NVL: variants seen among roughly 807,000 people sequenced by gnomAD.
The protein encoded by NVL is nuclear VCP like.
NVL carries 84 observed loss-of-function variants against 110.2 expected under a neutral mutation model. That is an observed-to-expected ratio of 0.76 (90% CI 0.64 to 0.91). The LOEUF is 0.91. NVL is among the 40% of genes least tolerant of loss of function. The pLI is 0.00. For synonymous variants in NVL, 354 were observed against 361.1 expected, an observed-to-expected ratio of 0.98 and a Z score of 0.22; for missense variants, 882 against 1,035.9, an observed-to-expected ratio of 0.85 and a Z score of 2.04.
chr1:224,244,540 C>T lies in NVL; in HGVS notation c.2289+5672G>A, dbSNP rs184182236. ...AGGCTGGAGTGCAGTGGCGTGATCT[C>T]GGCTCACTGCAACCTCCACCTCTCT... On this transcript the variant is annotated intron_variant, in intron 19 of 22. Transcript: ENST00000281701. Among the ~76,000 whole-genome samples the T allele has an allele frequency of 1.7e-3, 255 of 151,762 alleles. 1 individual carries two copies. Among genetic ancestry groups the T allele is most frequent in the African/African-American group, 5.5e-3 (226 of 41,360 alleles).
At chr1:224,300,214 G>C (rs1668267115) in intron 10 of NVL, among the ~76,000 whole-genome samples, 1 of 152,054 alleles carries the variant, frequency 6.6e-6, no homozygotes. Flanking sequence ...TTTTTACATT[G>C]CTTACAAGTT....
chr1:224,257,923 G>T (rs1663477955), intron 18 of NVL, among the ~76,000 whole-genome samples: 1 of 152,110 alleles, frequency 6.6e-6, no homozygotes, highest in Non-Finnish European at 1.5e-5. Context: ...ATGGATCAAA[G>T]ACCTAAATGT....
At chr1:224,318,625 T>TAAG (rs1453460890) in intron 2 of NVL, among the ~76,000 whole-genome samples, 1 of 151,634 alleles carries the variant, frequency 6.6e-6, no homozygotes, top group Non-Finnish European at 1.5e-5. Flanking sequence ...ATTAAAAAAC[T>TAAG]AAGAAGAAGA....
At chr1:224,290,894 G>T (rs971310626) in intron 12 of NVL, among the ~76,000 whole-genome samples, 1 of 151,802 alleles carries the variant, frequency 6.6e-6, no homozygotes, top group East Asian at 1.9e-4. Context: ...TGCTTGAACC[G>T]GGAGGCAGAG....
intron 21 of NVL, among the ~76,000 whole-genome samples, chr1:224,232,552 A>G (rs890168028): frequency 6.6e-6 from 1 of 152,016 alleles, no homozygotes; most frequent in East Asian, 1.9e-4. Context: ...TAGAGATGGC[A>G]TCTTGGTTTG....
chr1:224,315,787 C>T (rs1268197958), intron 4 of NVL, among the ~76,000 whole-genome samples: 6 of 152,182 alleles, frequency 3.9e-5, no homozygotes, highest in Non-Finnish European at 8.8e-5. Context: ...CATTGATTTG[C>T]TTTCTGTCAC....
intron 2 of NVL, among the ~76,000 whole-genome samples, chr1:224,318,895 A>T (rs1228385240): frequency 6.6e-6 from 1 of 151,832 alleles, no homozygotes; most frequent in Non-Finnish European, 1.5e-5. Flanking sequence ...AGCCTGAGGC[A>T]ACAGAATGGC....
At chr1:224,320,743 T>C (rs1345902819) in intron 2 of NVL, among the ~76,000 whole-genome samples, 1 of 152,154 alleles carries the variant, frequency 6.6e-6, no homozygotes, top group African/African-American at 2.4e-5. Context: ...CTCAACCTCC[T>C]GGTCTCATGC....
Position 224,261,026 on chromosome 1 carries a change from C to T in NVL, c.2182+7008G>A, listed in dbSNP as rs538988429. 3.3e-5 allele frequency among the ~76,000 whole-genome samples: 5 copies of T among 152,230 alleles called. No individual in the cohort carries two copies. In the East Asian group the frequency reaches 7.7e-4, roughly 24 times the overall value. ...GAGTAGCTGGGACTATGGGCACGTG[C>T]TACCACGCCCAGCTGATTTTTTTAT... On this transcript the variant is annotated intron_variant, in intron 18 of 22. Coordinates refer to ENST00000281701, the MANE Select transcript of NVL (RefSeq NM_002533.4).
Position 224,255,690 on chromosome 1 carries a change from G to A in NVL, c.2183-5372C>T, listed in dbSNP as rs74732603. Among the ~76,000 whole-genome samples the A allele has an allele frequency of 7.2e-3, 1,095 of 152,228 alleles. 8 individuals carry two copies. Among genetic ancestry groups the A allele is most frequent in the Non-Finnish European group, 0.012 (844 of 68,000 alleles). ...CTCCTGAGTAGCTGGGTTTACAGGCGTGTACCACTGTACCTGGCTTATTGG... is the reference window on the plus strand; with the variant it reads ...CTCCTGAGTAGCTGGGTTTACAGGCATGTACCACTGTACCTGGCTTATTGG... On this transcript the variant is annotated intron_variant, in intron 18 of 22. Transcript: ENST00000281701.
At chr1:224,289,855 G>A (rs1033251062) in intron 12 of NVL, 122 bp from the exon 13 acceptor site, 13 of 832,974 alleles carry the variant, frequency 1.6e-5, no homozygotes, top group Non-Finnish European at 2.4e-5. Flanking sequence ...TACTATATAA[G>A]ATCAAATAGT....
chr1:224,288,639 G>A (rs1480988028), intron 13 of NVL, among the ~76,000 whole-genome samples: 1 of 152,136 alleles, frequency 6.6e-6, no homozygotes, highest in Non-Finnish European at 1.5e-5. Context: ...CAAATTATCT[G>A]AGAACAAAAG....
In NVL at chr1:224,255,290, C is replaced by T. The variant is rs147355630; in HGVS notation, c.2183-4972G>A. On this transcript the variant is annotated intron_variant, in intron 18 of 22. Transcript: ENST00000281701. ...CGGCAAGCTCCACCTCCCTGGTTCT[C>T]GCCATTCTCCTGCCTCAGCCTCCAG... Among the ~76,000 whole-genome samples, 559 of 139,608 alleles carry T rather than the reference C, an allele frequency of 4.0e-3. 3 individuals are homozygous for T. The highest frequency in any genetic ancestry group is 7.4e-3 in the Admixed American group (95 of 12,786). 91.6% of individuals were successfully genotyped at this position (139,608 alleles called of 152,430 possible).
intron 12 of NVL, among the ~76,000 whole-genome samples, chr1:224,291,170 A>G (rs1047417141): frequency 2.0e-5 from 3 of 152,244 alleles, no homozygotes; most frequent in African/African-American, 7.2e-5. Flanking sequence ...AGCACATAAA[A>G]CAATGGCTGA....
intron 18 of NVL, among the ~76,000 whole-genome samples, chr1:224,258,508 A>G (rs1663551064): frequency 6.6e-6 from 1 of 152,220 alleles, no homozygotes; most frequent in Admixed American, 6.5e-5. Flanking sequence ...AATGTTAAAC[A>G]GGGAGTTACC....
chr1:224,237,983 A>G (rs1460502105), intron 19 of NVL, among the ~76,000 whole-genome samples: 77 of 150,262 alleles, frequency 5.1e-4, no homozygotes, highest in African/African-American at 1.5e-3. Context: ...AAAAAAAAAA[A>G]AAGAAGAAAC....
intron 18 of NVL, among the ~76,000 whole-genome samples, chr1:224,265,552 G>C (rs1664419105): frequency 6.6e-6 from 1 of 152,060 alleles, no homozygotes; most frequent in African/African-American, 2.4e-5. Context: ...TTAAAATATG[G>C]TGCGGGCTGT....
In NVL at chr1:224,287,887, G is replaced by A; in HGVS notation, c.1682C>T (p.Ser561Phe). 6.2e-7 allele frequency: 1 copy of A among 1,614,082 alleles called. No individual in the cohort carries two copies. Among genetic ancestry groups the A allele is most frequent in the Non-Finnish European group, 8.5e-7 (1 of 1,179,966 alleles). Residue 561 changes from serine to phenylalanine, a missense_variant, in exon 14 of 23, where the codon TCC (serine) becomes TTC (phenylalanine). Transcript: ENST00000281701. ...IELNDFIVAL[S>F]SVQPSAKREG... ...CCTTTTGGCAGAGGGTTGGACTGAG[G>A]ATAGAGCAACAATGAAATCATTCAG...
At chr1:224,328,740 G>A (rs1045566340) in intron 1 of NVL, among the ~76,000 whole-genome samples, 5 of 152,102 alleles carry the variant, frequency 3.3e-5, no homozygotes, top group African/African-American at 4.8e-5. Context: ...AGGACGAACG[G>A]TAGTATCATT....
Sources: allele counts gnomAD v4.1 joint callset (sites outside exome capture counted in the v4.1 genomes callset), GRCh38; gene constraint gnomAD v4.1.1; transcripts MANE v1.5; gene names NCBI Gene and HGNC (gene_info 2026-07-23, HGNC 2026-07-21).